FAM47E: variants seen among roughly 807,000 people sequenced by gnomAD.
FAM47E encodes the protein family with sequence similarity 47 member E, also known as protein FAM47E.
In FAM47E, 32 loss-of-function variants were observed where a neutral mutation model predicts 41.6. That is an observed-to-expected ratio of 0.77 (90% CI 0.58 to 1.03). FAM47E has a LOEUF of 1.03. Ranked by LOEUF, FAM47E falls within the 50% of genes least tolerant of loss-of-function variation. The pLI is 0.00. For synonymous variants in FAM47E, 184 were observed against 188.7 expected (o/e 0.98, Z 0.20); for missense variants, 424 against 485.4 (o/e 0.87, Z 1.19).
chr4:76,236,120 T>G (rs920534937), intron 2 of FAM47E: 9 of 148,168 alleles, frequency 6.1e-5, no homozygotes, highest in Non-Finnish European at 1.2e-4. Flanking sequence ...ATTTTTTGTG[T>G]TTTTTTTTAG....
intron 2 of FAM47E, among the ~76,000 whole-genome samples, chr4:76,261,412 G>A (rs1734412308): frequency 6.6e-6 from 1 of 152,178 alleles, no homozygotes; most frequent in African/African-American, 2.4e-5. Flanking sequence ...GCAAAGTCAT[G>A]AAATCAACCT....
chr4:76,259,429 T>A (rs1734315300), intron 2 of FAM47E, among the ~76,000 whole-genome samples: 1 of 152,248 alleles, frequency 6.6e-6, no homozygotes, highest in Non-Finnish European at 1.5e-5. Context: ...TGGATGGCAC[T>A]TTCAAGACTG....
rs747664975 is a variant in FAM47E, at chr4:76,263,774, A to T, written c.491A>T (p.Asp164Val). 1 of 1,551,678 alleles carries T rather than the reference A, an allele frequency of 6.4e-7. No individual in the cohort carries two copies. The highest frequency in any genetic ancestry group is 8.7e-7 in the Non-Finnish European group (1 of 1,146,888). ...GAGGACACATGGGCTTATTGTCAGG[A>T]CACCAGGAAAGGAATGAAGGAACCC... ...KLEDTWAYCQ[D>V]TRKGMKEPTK... Residue 164 changes from aspartate to valine, a missense_variant, in exon 3 of 8, where the codon GAC becomes GTC. Physicochemically the swap from Asp to Val is radical, Grantham distance 152 (BLOSUM62 -3). Transcript: ENST00000424749.
chr4:76,245,909 A>C (rs1349377678), intron 2 of FAM47E, among the ~76,000 whole-genome samples: 1 of 152,120 alleles, frequency 6.6e-6, no homozygotes, highest in African/African-American at 2.4e-5. Context: ...GAACCTTGTC[A>C]ATTTTATCTG....
At chr4:76,250,547 C>CT (rs1488185882), upstream of FAM47E, among the ~76,000 whole-genome samples, 1 of 152,050 alleles carries the variant, frequency 6.6e-6, no homozygotes, top group Admixed American at 6.5e-5. Context: ...TGTGTAGAAG[C>CT]TTTTTAGTTT....
At chr4:76,268,875 A>G in intron 4 of FAM47E, 107 bp downstream of exon 4, 2 of 1,405,256 alleles carry the variant, frequency 1.4e-6, no homozygotes, top group East Asian at 5.1e-5. Flanking sequence ...GCTTTTATTA[A>G]AAAACAGTAT....
intron 1 of FAM47E, among the ~76,000 whole-genome samples, chr4:76,254,698 T>A (rs1734116095): frequency 6.6e-6 from 1 of 152,096 alleles, no homozygotes; most frequent in Non-Finnish European, 1.5e-5. Context: ...AAAAAGACAT[T>A]ATAGATAAAA....
At chr4:76,229,664 A>C (rs1733459646) in intron 2 of FAM47E, among the ~76,000 whole-genome samples, 1 of 152,170 alleles carries the variant, frequency 6.6e-6, no homozygotes, top group Non-Finnish European at 1.5e-5. Context: ...GTGCTGAGAA[A>C]TACCTGATTC....
intron 2 of FAM47E, among the ~76,000 whole-genome samples, chr4:76,258,321 G>A (rs1247858969): frequency 6.6e-6 from 1 of 152,200 alleles, no homozygotes. Context: ...CTTTGATCAT[G>A]TGTCTATTCC....
chr4:76,271,426 T>C, intron 4 of FAM47E, 142 bp from the exon 5 acceptor site: 1 of 983,150 alleles, frequency 1.0e-6, no homozygotes, highest in Non-Finnish European at 1.5e-6. Context: ...CAAACACTTC[T>C]TGTCTTCAAT....
At chr4:76,283,230 TG>T in intron 7 of FAM47E, 150 bp from the exon 8 acceptor site, 1 of 517,080 alleles carries the variant, frequency 1.9e-6, no homozygotes, top group South Asian at 2.7e-5. Flanking sequence ...ACATCTATCA[TG>T]GTCAGATTAT....
At chr4:76,266,770 A>G (rs1477531419) in intron 3 of FAM47E, among the ~76,000 whole-genome samples, 1 of 151,986 alleles carries the variant, frequency 6.6e-6, no homozygotes, top group Non-Finnish European at 1.5e-5. Context: ...GGTCCCTGTC[A>G]CCTCTCAAGC....
chr4:76,238,453 T>C (rs765622162), intron 2 of FAM47E, among the ~76,000 whole-genome samples: 51 of 152,320 alleles, frequency 3.3e-4, no homozygotes, highest in Middle Eastern at 3.4e-3. Flanking sequence ...GCCAGGGTGC[T>C]GGTGAGTTTG....
At chr4:76,276,070 C>CACACACCCACACACA (rs1452874811) in intron 5 of FAM47E, among the ~76,000 whole-genome samples, 1 of 143,110 alleles carries the variant, frequency 7.0e-6, no homozygotes, top group African/African-American at 2.6e-5. Context: ...ACACACACAC[C>CACACACCCACACACA]CCTCCCCTAC....
chr4:76,276,031 CAG>C (rs1735084960), intron 5 of FAM47E, among the ~76,000 whole-genome samples: 14 of 75,614 alleles, frequency 1.9e-4, no homozygotes, highest in South Asian at 3.5e-4. Flanking sequence ...GACAGACAGA[CAG>C]ACAGACACAC....
Position 76,256,189 on chromosome 4 carries a change from A to C in FAM47E, c.86A>C (p.Lys29Thr). Reference sequence around the variant, plus strand: ...TATCTACCTTCCAGATGTTTCACAAAGCACAAGAACGGGCTGAAGTTCCCC... The same window carrying C: ...TATCTACCTTCCAGATGTTTCACAACGCACAAGAACGGGCTGAAGTTCCCC... ...GVNCRSRCFTKHKNGLKFPTS... is the reference protein window; with the variant it reads ...GVNCRSRCFTTHKNGLKFPTS... Residue 29 changes from lysine (K) to threonine (T), a missense_variant, in exon 2 of 8, where the codon AAG becomes ACG. Coordinates refer to ENST00000424749, the MANE Select transcript of FAM47E (RefSeq NM_001136570.3). 1 of 1,550,780 alleles carries C rather than the reference A, an allele frequency of 6.4e-7. No homozygotes were observed. Among genetic ancestry groups the C allele is most frequent in the Non-Finnish European group, 8.7e-7 (1 of 1,146,286 alleles).
chr4:76,279,257 T>G (rs1735252900), intron 6 of FAM47E: 1 of 152,216 alleles, frequency 6.6e-6, no homozygotes, highest in Admixed American at 6.5e-5. Context: ...CTATTCCAGT[T>G]GCACTTTTAT....
chr4:76,245,673 T>C (rs1733810970), intron 2 of FAM47E, among the ~76,000 whole-genome samples: 1 of 152,114 alleles, frequency 6.6e-6, no homozygotes, highest in Non-Finnish European at 1.5e-5. Context: ...TTTCAGATTG[T>C]TCTCCTAATA....
In FAM47E at chr4:76,271,645, G is replaced by T; in HGVS notation, c.747G>T (p.Ala249=). 1 of 1,552,196 alleles carries T rather than the reference G, an allele frequency of 6.4e-7. No homozygotes were observed. The highest frequency in any genetic ancestry group is 8.7e-7 in the Non-Finnish European group (1 of 1,147,102). Residue 249 remains alanine, a synonymous_variant, in exon 5 of 8, where the codon GCG becomes GCT. Transcript: ENST00000424749. ...ATGAGACCAAACCAAGCCATGATGC[G>T]CTCCACACGATGAAGCTAAATCAGG... The part of the protein sequence containing the change: ...IDYETKPSHD[A]LHTMKLNQVP...
Sources: gnomAD v4.1 joint callset for allele counts (sites outside exome capture counted in the v4.1 genomes callset) on GRCh38, gnomAD v4.1.1 for gene constraint, MANE v1.5 for transcripts, NCBI Gene and HGNC (gene_info 2026-07-23, HGNC 2026-07-21) for gene names.